DPYD: variants seen among roughly 807,000 people sequenced by gnomAD.
The protein encoded by DPYD is dihydropyrimidine dehydrogenase [NADP(+)].
A neutral mutation model predicts 116.2 loss-of-function variants in DPYD; 109 were observed. The ratio of observed to expected loss-of-function variants is 0.94; its 90% confidence interval spans 0.80 to 1.10. DPYD has a LOEUF of 1.10. Among genes scored for constraint, DPYD ranks in the 50% least tolerant of loss-of-function variants. The pLI is 0.00. For synonymous variants in DPYD, 440 were observed against 432.0 expected (o/e 1.02, Z -0.23); for missense variants, 1,302 against 1,254.5 (o/e 1.04, Z -0.57).
intron 3 of DPYD, among the ~76,000 whole-genome samples, chr1:97,773,428 T>G (rs183011271): frequency 2.0e-5 from 3 of 152,320 alleles, no homozygotes; most frequent in African/African-American, 7.2e-5. Flanking sequence ...TTGTCCCCGG[T>G]GAGGGTTCTA....
chr1:97,775,343 T>C (rs1432725729), intron 3 of DPYD, among the ~76,000 whole-genome samples: 1 of 152,194 alleles, frequency 6.6e-6, no homozygotes, highest in Non-Finnish European at 1.5e-5. Flanking sequence ...TCTTCTGATA[T>C]ATGGAAGTGA....
intron 4 of DPYD, among the ~76,000 whole-genome samples, chr1:97,739,569 C>T (rs1382335783): frequency 2.0e-5 from 3 of 151,992 alleles, no homozygotes; most frequent in Non-Finnish European, 2.9e-5. Context: ...AAACTTTATA[C>T]GTAAAAAGGC....
intron 3 of DPYD, among the ~76,000 whole-genome samples, chr1:97,809,176 G>A (rs992098353): frequency 1.2e-4 from 19 of 152,210 alleles, no homozygotes; most frequent in African/African-American, 3.9e-4. Context: ...TCAAGCTCCT[G>A]TGTGAAGAAC....
At chr1:97,542,320 G>A (rs1650505805) in intron 12 of DPYD, among the ~76,000 whole-genome samples, 1 of 152,100 alleles carries the variant, frequency 6.6e-6, no homozygotes, top group Non-Finnish European at 1.5e-5. Flanking sequence ...ATGAAAATTT[G>A]AGGAAGGTAC....
chr1:97,149,270 G>A (rs1654849880), intron 20 of DPYD, among the ~76,000 whole-genome samples: 1 of 151,770 alleles, frequency 6.6e-6, no homozygotes, highest in Non-Finnish European at 1.5e-5. Flanking sequence ...TTATTTTTTT[G>A]TAACAGAGTC....
intron 1 of DPYD, among the ~76,000 whole-genome samples, chr1:97,891,678 A>G (rs1672784334): frequency 6.6e-6 from 1 of 151,898 alleles, no homozygotes; most frequent in East Asian, 1.9e-4. Flanking sequence ...ACAGGCCCTC[A>G]TGTCACAAAC....
chr1:97,438,787 T>C (rs1209907465), intron 14 of DPYD, among the ~76,000 whole-genome samples: 2 of 152,134 alleles, frequency 1.3e-5, no homozygotes, highest in African/African-American at 4.8e-5. Context: ...TTTGGTTGGT[T>C]GTTTCTTTGG....
intron 4 of DPYD, among the ~76,000 whole-genome samples, chr1:97,738,448 C>A (rs2101065564): frequency 6.6e-6 from 1 of 152,166 alleles, no homozygotes; most frequent in Non-Finnish European, 1.5e-5. Flanking sequence ...AAGCCTAACA[C>A]AATACAAAAC....
chr1:97,223,715 C>T (rs1389727024), intron 19 of DPYD, among the ~76,000 whole-genome samples: 1 of 151,908 alleles, frequency 6.6e-6, no homozygotes, highest in African/African-American at 2.4e-5. Context: ...AGTTTTTCAA[C>T]AGAAATTATA....
At chr1:97,116,131 A>C (rs942851922) in intron 20 of DPYD, among the ~76,000 whole-genome samples, 1 of 152,198 alleles carries the variant, frequency 6.6e-6, no homozygotes, top group Non-Finnish European at 1.5e-5. Context: ...GAGGATATAC[A>C]TATGAGAATA....
At chr1:97,362,778 C>A (rs1284020801) in intron 16 of DPYD, among the ~76,000 whole-genome samples, 1 of 152,146 alleles carries the variant, frequency 6.6e-6, no homozygotes, top group Non-Finnish European at 1.5e-5. Context: ...GGATCCCTTC[C>A]TTACACCTTA....
chr1:97,769,484 T>A (rs1666038312), intron 3 of DPYD, among the ~76,000 whole-genome samples: 1 of 152,152 alleles, frequency 6.6e-6, no homozygotes, highest in South Asian at 2.1e-4. Flanking sequence ...ATAAGATGAT[T>A]TGTGGTGGTT....
intron 14 of DPYD, among the ~76,000 whole-genome samples, chr1:97,396,864 T>A (rs1191246207): frequency 1.3e-5 from 2 of 152,018 alleles, no homozygotes; most frequent in Non-Finnish European, 2.9e-5. Flanking sequence ...AACTGTATCA[T>A]CCTCAATGAT....
At position 97,450,144 on chromosome 1, in the gene DPYD, A is replaced by G; in HGVS notation, c.1820T>C (p.Phe607Ser). Reference sequence around the variant, plus strand: ...CTCACTGATGAGCTCAATATTCAGAAAGGAGCTTTGTCCAGGGCCATACAT... The same window carrying G: ...CTCACTGATGAGCTCAATATTCAGAGAGGAGCTTTGTCCAGGGCCATACAT... ...GPMYGPGQSSFLNIELISEKT... is the reference protein window; with the variant it reads ...GPMYGPGQSSSLNIELISEKT... The change falls in exon 14 of 23, where the codon TTT becomes TCT. Residue 607 changes from phenylalanine to serine, a missense_variant. Transcript: ENST00000370192. 4 of 1,613,984 alleles carry G rather than the reference A, an allele frequency of 2.5e-6. No homozygotes were observed. Among genetic ancestry groups the G allele is most frequent in the Non-Finnish European group, 3.4e-6 (4 of 1,179,902 alleles).
intron 12 of DPYD, among the ~76,000 whole-genome samples, chr1:97,530,219 T>TC (rs1363496070): frequency 6.9e-5 from 8 of 115,216 alleles, no homozygotes; most frequent in Non-Finnish European, 1.4e-4. Flanking sequence ...TTTTTCTTTT[T>TC]TTTTTTTTTT....
intron 18 of DPYD, among the ~76,000 whole-genome samples, chr1:97,271,398 A>G (rs12753135): frequency 0.014 from 2,160 of 152,346 alleles, 22 homozygotes; most frequent in South Asian, 0.024. Context: ...GGAATTAGAC[A>G]AAAAGGACCA....
At chr1:97,920,279 A>G (rs1416078536) in intron 1 of DPYD, among the ~76,000 whole-genome samples, 1 of 152,170 alleles carries the variant, frequency 6.6e-6, no homozygotes, top group Non-Finnish European at 1.5e-5. Flanking sequence ...AACCGTTGAG[A>G]GGAGAGAAAA....
chr1:97,487,622 G>A (rs1369711611), intron 13 of DPYD, among the ~76,000 whole-genome samples: 1 of 152,156 alleles, frequency 6.6e-6, no homozygotes. Flanking sequence ...GCAGTGAGCT[G>A]AGATTGCACC....
chr1:97,534,652 T>C (rs1363931972), intron 12 of DPYD, among the ~76,000 whole-genome samples: 2 of 152,172 alleles, frequency 1.3e-5, no homozygotes, highest in South Asian at 4.1e-4. Context: ...CTATTATTGT[T>C]GTATTCTTCT....
Sources: allele counts gnomAD v4.1 joint callset (sites outside exome capture counted in the v4.1 genomes callset), GRCh38; gene constraint gnomAD v4.1.1; transcripts MANE v1.5; gene names NCBI Gene and HGNC (gene_info 2026-07-23, HGNC 2026-07-21).